MAGI3: variants seen among roughly 807,000 people sequenced by gnomAD.
MAGI3 encodes the protein membrane-associated guanylate kinase, WW and PDZ domain-containing protein 3.
MAGI3 carries 43 observed loss-of-function variants against 121.8 expected under a neutral mutation model. That is an observed-to-expected ratio of 0.35 (90% CI 0.28 to 0.46). The LOEUF is 0.46. Ranked by LOEUF, MAGI3 falls within the 20% of genes least tolerant of loss-of-function variation. The pLI is 1.00. For synonymous variants in MAGI3, 553 were observed against 639.3 expected (o/e 0.86, Z 2.04); for missense variants, 1,547 against 1,797.3 (o/e 0.86, Z 2.52).
intron 1 of MAGI3, among the ~76,000 whole-genome samples, chr1:113,478,375 C>T (rs1178777166): frequency 6.6e-6 from 1 of 152,020 alleles, no homozygotes; most frequent in Non-Finnish European, 1.5e-5. Flanking sequence ...TTTTATCTAC[C>T]TTTGGTCTTT....
chr1:113,635,374 G>C (rs1423319154), intron 9 of MAGI3, among the ~76,000 whole-genome samples: 1 of 152,092 alleles, frequency 6.6e-6, no homozygotes. Flanking sequence ...GTCATAGATA[G>C]CTCTTATTAT....
At chr1:113,532,447 A>G (rs911625422) in intron 1 of MAGI3, among the ~76,000 whole-genome samples, 4 of 152,010 alleles carry the variant, frequency 2.6e-5, no homozygotes, top group Non-Finnish European at 5.9e-5. Flanking sequence ...TAAAAATGGT[A>G]ACAACATTTA....
chr1:113,568,692 G>C (rs1249030430), intron 2 of MAGI3, among the ~76,000 whole-genome samples: 1 of 152,002 alleles, frequency 6.6e-6, no homozygotes, highest in Non-Finnish European at 1.5e-5. Context: ...TGATCAGAAG[G>C]GAAATTAATG....
chr1:113,403,495 A>G (rs1359704386), intron 1 of MAGI3, among the ~76,000 whole-genome samples: 1 of 152,118 alleles, frequency 6.6e-6, no homozygotes, highest in Non-Finnish European at 1.5e-5. Context: ...ATGCAACTAA[A>G]TTCTTAATAG....
At chr1:113,483,119 C>T (rs1214430030) in intron 1 of MAGI3, among the ~76,000 whole-genome samples, 2 of 152,182 alleles carry the variant, frequency 1.3e-5, no homozygotes, top group Non-Finnish European at 1.5e-5. Flanking sequence ...AGATCCTTTT[C>T]TTACCTTTTA....
At chr1:113,672,519 C>G in intron 17 of MAGI3, 96 bp from the exon 18 acceptor site, 1 of 1,374,874 alleles carries the variant, frequency 7.3e-7, no homozygotes, top group Admixed American at 2.4e-5. Context: ...GGGAAAATGG[C>G]AAGGTCGAGC....
chr1:113,516,129 G>A (rs1338036861), intron 1 of MAGI3, among the ~76,000 whole-genome samples: 1 of 152,010 alleles, frequency 6.6e-6, no homozygotes, highest in African/African-American at 2.4e-5. Flanking sequence ...TGTAGGTACA[G>A]ATGGGATATT....
chr1:113,545,517 C>T (rs890431224), intron 1 of MAGI3, among the ~76,000 whole-genome samples: 1 of 152,148 alleles, frequency 6.6e-6, no homozygotes, highest in South Asian at 2.1e-4. Flanking sequence ...TGCCCGCATG[C>T]CCAGCGTTTA....
intron 9 of MAGI3, among the ~76,000 whole-genome samples, chr1:113,630,036 A>G (rs1651524928): frequency 6.6e-6 from 1 of 152,024 alleles, no homozygotes; most frequent in Non-Finnish European, 1.5e-5. Context: ...TCTCTTCAGG[A>G]TGGTGAGTTT....
chr1:113,428,222 T>G (rs1298929305), intron 1 of MAGI3, among the ~76,000 whole-genome samples: 1 of 152,236 alleles, frequency 6.6e-6, no homozygotes, highest in African/African-American at 2.4e-5. Flanking sequence ...AAGCCCAAGG[T>G]AATGAAGATA....
At chr1:113,557,791 C>G (rs1660061596) in intron 2 of MAGI3, among the ~76,000 whole-genome samples, 1 of 152,202 alleles carries the variant, frequency 6.6e-6, no homozygotes, top group Non-Finnish European at 1.5e-5. Context: ...CCAGCCACCT[C>G]CTACAGGTAC....
At chr1:113,616,699 G>A (rs953224373) in intron 7 of MAGI3, among the ~76,000 whole-genome samples, 1 of 151,988 alleles carries the variant, frequency 6.6e-6, no homozygotes, top group African/African-American at 2.4e-5. Context: ...ATTTAGAAAT[G>A]CGGTCTTGAT....
At chr1:113,437,043 T>C (rs1389202233) in intron 1 of MAGI3, among the ~76,000 whole-genome samples, 1 of 152,086 alleles carries the variant, frequency 6.6e-6, no homozygotes, top group African/African-American at 2.4e-5. Flanking sequence ...CTCTATCTCC[T>C]GAGCTTGTGA....
intron 1 of MAGI3, among the ~76,000 whole-genome samples, chr1:113,459,565 A>G (rs1476996548): frequency 1.3e-5 from 2 of 152,190 alleles, no homozygotes; most frequent in Non-Finnish European, 2.9e-5. Flanking sequence ...TTTATCTAGG[A>G]TATCATCATC....
chr1:113,474,979 G>A (rs1655738962), intron 1 of MAGI3, among the ~76,000 whole-genome samples: 1 of 152,084 alleles, frequency 6.6e-6, no homozygotes, highest in African/African-American at 2.4e-5. Context: ...GGATTCCTAG[G>A]TATTTTATTC....
At chr1:113,409,300 A>G (rs991733670) in intron 1 of MAGI3, among the ~76,000 whole-genome samples, 1 of 152,024 alleles carries the variant, frequency 6.6e-6, no homozygotes, top group Non-Finnish European at 1.5e-5. Flanking sequence ...ATTGACATCA[A>G]TTTGAATTTA....
At chr1:113,578,525 A>G (rs1413147656) in intron 2 of MAGI3, among the ~76,000 whole-genome samples, 1 of 151,994 alleles carries the variant, frequency 6.6e-6, no homozygotes, top group African/African-American at 2.4e-5. Flanking sequence ...GTCTCAAATT[A>G]TCTTCCCACC....
chr1:113,419,317 C>T (rs1346492594), intron 1 of MAGI3, among the ~76,000 whole-genome samples: 2 of 152,022 alleles, frequency 1.3e-5, no homozygotes, highest in African/African-American at 4.8e-5. Flanking sequence ...TGGGAAAAAC[C>T]TGGGGACTCT....
chr1:113,408,512 A>G (rs1181723076), intron 1 of MAGI3, among the ~76,000 whole-genome samples: 1 of 152,172 alleles, frequency 6.6e-6, no homozygotes, highest in African/African-American at 2.4e-5. Context: ...TGGTACAGAA[A>G]TATGAGACAT....
Sources: gnomAD v4.1 joint callset for allele counts (sites outside exome capture counted in the v4.1 genomes callset) on GRCh38, gnomAD v4.1.1 for gene constraint, MANE v1.5 for transcripts, NCBI Gene and HGNC (gene_info 2026-07-23, HGNC 2026-07-21) for gene names.